DYM: variants seen among roughly 807,000 people sequenced by gnomAD.
DYM encodes dyggve-Melchior-Clausen syndrome protein.
Under a neutral mutation model 93.1 loss-of-function variants are expected in DYM, and 78 were observed. The ratio of observed to expected loss-of-function variants is 0.84; its 90% confidence interval spans 0.70 to 1.01. The LOEUF (loss-of-function observed/expected upper bound fraction) is 1.01, where lower values mean the gene tolerates loss of function less well. DYM is among the 50% of genes least tolerant of loss of function. The pLI is 0.00. For missense variants in DYM, 789 were observed against 845.0 expected (o/e 0.93, Z 0.82); for synonymous variants, 321 against 319.7 (o/e 1.00, Z -0.04).
chr18:49,255,802 C>CA (rs1368977924), intron 13 of DYM, among the ~76,000 whole-genome samples: 3 of 151,858 alleles, frequency 2.0e-5, no homozygotes, highest in Admixed American at 2.0e-4. Flanking sequence ...TACAGGAAGT[C>CA]AAAAAAGTAC....
At chr18:49,172,746 A>C (rs538441913) in intron 14 of DYM, among the ~76,000 whole-genome samples, 2 of 152,106 alleles carry the variant, frequency 1.3e-5, no homozygotes, top group Non-Finnish European at 2.9e-5. Context: ...TTCTTCAAAA[A>C]ACAGTGTCTT....
intron 2 of DYM, among the ~76,000 whole-genome samples, chr18:49,404,815 C>G (rs770665274): frequency 3.3e-5 from 5 of 151,976 alleles, no homozygotes; most frequent in Non-Finnish European, 7.4e-5. Flanking sequence ...GTCAGGAGTT[C>G]GAGACCAGCC....
At chr18:49,268,666 G>A (rs993981102) in intron 11 of DYM, among the ~76,000 whole-genome samples, 5 of 152,228 alleles carry the variant, frequency 3.3e-5, no homozygotes, top group African/African-American at 9.6e-5. Flanking sequence ...TATTGCTGCT[G>A]CTGAAGCAAA....
chr18:49,313,558 G>A (rs1258987089), intron 8 of DYM, among the ~76,000 whole-genome samples: 2 of 129,826 alleles, frequency 1.5e-5, no homozygotes, highest in Non-Finnish European at 3.2e-5. Flanking sequence ...GGTCTAAAAA[G>A]AGGCATGAAT....
intron 8 of DYM, among the ~76,000 whole-genome samples, chr18:49,315,889 A>C (rs1294310201): frequency 1.3e-5 from 2 of 152,224 alleles, no homozygotes; most frequent in Non-Finnish European, 2.9e-5. Flanking sequence ...TTGAAGAAAA[A>C]TATGAAACAA....
At chr18:49,242,344 G>A (rs1434820358) in intron 13 of DYM, among the ~76,000 whole-genome samples, 1 of 152,176 alleles carries the variant, frequency 6.6e-6, no homozygotes, top group Non-Finnish European at 1.5e-5. Flanking sequence ...AAACTGGGAG[G>A]CGGAGGTTGC....
intron 15 of DYM, among the ~76,000 whole-genome samples, chr18:49,138,204 C>T (rs1049232271): frequency 1.3e-5 from 2 of 152,036 alleles, no homozygotes; most frequent in African/African-American, 4.8e-5. Context: ...TTTGGTATGT[C>T]AACAAGACAA....
chr18:49,459,369 G>A (rs1348262034), intron 1 of DYM, among the ~76,000 whole-genome samples: 1 of 152,148 alleles, frequency 6.6e-6, no homozygotes, highest in Non-Finnish European at 1.5e-5. Flanking sequence ...CTTCAAAGCA[G>A]GATAATCACT....
chr18:49,251,894 T>G (rs2094295852), intron 13 of DYM, among the ~76,000 whole-genome samples: 1 of 151,914 alleles, frequency 6.6e-6, no homozygotes, highest in Non-Finnish European at 1.5e-5. Context: ...TTGGGTGGTG[T>G]TATAGTCAGT....
At chr18:49,300,469 G>T (rs1278957834) in intron 8 of DYM, among the ~76,000 whole-genome samples, 2 of 151,616 alleles carry the variant, frequency 1.3e-5, no homozygotes, top group African/African-American at 4.8e-5. Context: ...GCATGGTGGC[G>T]CATGCCTGTA....
At position 49,177,197 on chromosome 18, in the gene DYM, A is replaced by G. The variant is rs535042118; in HGVS notation, c.1626-13410T>C. ...ATGACCTCACAGTGAGTGCAAGAGG[A>G]GCCAGGATGGCAGGGTAGAAGTTAT... On this transcript the variant is annotated intron_variant, in intron 14 of 17. Transcript: ENST00000675505. Among the ~76,000 whole-genome samples, 15 of 152,314 alleles carry G rather than the reference A, an allele frequency of 9.8e-5. 1 individual carries two copies. The highest frequency in any genetic ancestry group is 7.2e-4 in the Admixed American group (11 of 15,276).
In DYM at chr18:49,203,251, G is replaced by A. The variant is rs1397024626; in HGVS notation, c.1625+6300C>T. ...TGGGGGGGGTCAGCCCCCCCTGCCC[G>A]GCCAGCCGCCCCGTCCAGGAGGTGA... On this transcript the variant is annotated intron_variant, in intron 14 of 17. Transcript: ENST00000675505. Among the ~76,000 whole-genome samples, 4 of 57,696 alleles carry A rather than the reference G, an allele frequency of 6.9e-5. 1 individual carries two copies. The highest frequency in any genetic ancestry group is 4.1e-4 in the East Asian group (1 of 2,450). 37.9% of individuals were successfully genotyped at this position (57,696 alleles called of 152,430 possible). A position where few individuals can be genotyped will look rare whatever the true frequency, so the allele number is the denominator to read the frequency against.
intron 16 of DYM, among the ~76,000 whole-genome samples, chr18:49,110,274 A>G (rs756875637): frequency 6.6e-6 from 1 of 152,224 alleles, no homozygotes; most frequent in African/African-American, 2.4e-5. Context: ...TCAACATAAG[A>G]AAAAGCTTTT....
chr18:49,098,872 A>C (rs900345589), intron 16 of DYM, among the ~76,000 whole-genome samples: 9 of 152,262 alleles, frequency 5.9e-5, no homozygotes, highest in Admixed American at 3.3e-4. Flanking sequence ...AACATATTGT[A>C]ATAGATTAAA....
At chr18:49,201,071 T>TA (rs1386077878) in intron 14 of DYM, among the ~76,000 whole-genome samples, 2 of 152,156 alleles carry the variant, frequency 1.3e-5, no homozygotes, top group African/African-American at 2.4e-5. Context: ...TCTTCACTCT[T>TA]AAAAAATCAT....
intron 1 of DYM, among the ~76,000 whole-genome samples, chr18:49,449,469 C>T (rs1410495965): frequency 6.6e-6 from 1 of 152,146 alleles, no homozygotes; most frequent in Non-Finnish European, 1.5e-5. Flanking sequence ...GGTGTTTTTC[C>T]TTCTTTCACA....
At chr18:49,315,214 T>TAAA (rs201223596) in intron 8 of DYM, among the ~76,000 whole-genome samples, 7 of 146,044 alleles carry the variant, frequency 4.8e-5, no homozygotes, top group Non-Finnish European at 9.0e-5. Context: ...GACCCTGTGT[T>TAAA]AAAAAAAAAA....
chr18:49,271,683 T>TA (rs779510917), intron 11 of DYM, among the ~76,000 whole-genome samples: 13 of 150,762 alleles, frequency 8.6e-5, no homozygotes, highest in African/African-American at 2.7e-4. Flanking sequence ...AAAAATAAAA[T>TA]AAAAAAATGC....
intron 17 of DYM, among the ~76,000 whole-genome samples, chr18:49,061,161 AG>A (rs141776293): frequency 0.079 from 11,957 of 152,234 alleles, 665 homozygotes; most frequent in East Asian, 0.23. Flanking sequence ...CTATCAGACA[AG>A]ATAGGAGGTG....
Sources: gnomAD v4.1 joint callset for allele counts (sites outside exome capture counted in the v4.1 genomes callset) on GRCh38, gnomAD v4.1.1 for gene constraint, MANE v1.5 for transcripts, NCBI Gene and HGNC (gene_info 2026-07-23, HGNC 2026-07-21) for gene names.